SBF2: variants seen among roughly 807,000 people sequenced by gnomAD.
The protein encoded by SBF2 is SET binding factor 2.
A neutral mutation model predicts 225.2 loss-of-function variants in SBF2; 112 were observed. The ratio of observed to expected loss-of-function variants is 0.50; its 90% CI spans 0.43 to 0.58. SBF2 has a LOEUF of 0.58. Ranked by LOEUF, SBF2 falls within the 20% of genes least tolerant of loss-of-function variation. The probability of loss-of-function intolerance (pLI) is 0.00; values close to 1 mark genes in which losing one functional copy is unlikely to be tolerated. For synonymous variants in SBF2, 763 were observed against 773.3 expected, an observed-to-expected ratio of 0.99 and a Z score of 0.22; for missense variants, 1,996 against 2,206.2, an observed-to-expected ratio of 0.90 and a Z score of 1.91.
At chr11:9,797,315 C>T (rs1293495679) in intron 32 of SBF2, among the ~76,000 whole-genome samples, 1 of 152,170 alleles carries the variant, frequency 6.6e-6, no homozygotes. Flanking sequence ...TTTCTGTGAT[C>T]ATTAAAGGGT....
In SBF2 at chr11:10,042,922, C is replaced by A. The variant is rs773517265; in HGVS notation, c.201G>T (p.Val67=). The stretch of plus-strand genomic sequence containing the variant: ...CTGAGTCAATGTCTGTCAGGACAAC[C>A]ACAAAGAACGTTGGCTGCTTCCTCT... ...SRERKQPTFF[V]VVLTDIDSDR... Residue 67 remains valine, a synonymous_variant, in exon 3 of 40, where the codon GTG becomes GTT. Transcript: ENST00000256190. 3 of 1,613,756 alleles carry A rather than the reference C, an allele frequency of 1.9e-6. No individual in the cohort carries two copies. Among genetic ancestry groups the A allele is most frequent in the Non-Finnish European group, 2.5e-6 (3 of 1,179,870 alleles).
chr11:10,245,529 C>G (rs1353184167), intron 1 of SBF2, among the ~76,000 whole-genome samples: 1 of 151,894 alleles, frequency 6.6e-6, no homozygotes, highest in African/African-American at 2.4e-5. Context: ...GAAAAGTGAC[C>G]CTTTGTATAC....
intron 2 of SBF2, among the ~76,000 whole-genome samples, chr11:10,165,507 C>G (rs1955911737): frequency 6.6e-6 from 1 of 152,040 alleles, no homozygotes; most frequent in Non-Finnish European, 1.5e-5. Flanking sequence ...CAAAATTAGC[C>G]AAAAATGATG....
rs751615833 is a variant in SBF2, at chr11:9,790,579, A to C, written c.4675T>G (p.Leu1559Val). ...ACCTCTATTTCCAATGGTGAATATA[A>C]ATAATTAAAGAAAATGGGACTCCTC... is the stretch of plus-strand genomic sequence containing the variant. ...HKRSPIFFNY[L>V]YSPLEIEALK... is the part of the protein sequence containing the mutation. Residue 1559 changes from leucine (L) to valine (V), a missense_variant, in exon 34 of 40, where the codon TTA (leucine) becomes GTA (valine). Physicochemically the swap from Leu to Val is conservative, Grantham distance 32. Transcript: ENST00000256190. 3 of 1,585,314 alleles carry C rather than the reference A, an allele frequency of 1.9e-6. No individual in the cohort carries two copies. The highest frequency in any genetic ancestry group is 3.4e-5 in the Admixed American group (2 of 59,146).
At chr11:9,828,074 T>C in intron 28 of SBF2, 1 of 1,094,568 alleles carries the variant, frequency 9.1e-7, no homozygotes, top group Non-Finnish European at 1.2e-6. Context: ...GAAAAATGCT[T>C]TCTGCTTTTA....
chr11:10,138,692 A>G (rs1176626902), intron 2 of SBF2, among the ~76,000 whole-genome samples: 1 of 151,962 alleles, frequency 6.6e-6, no homozygotes, highest in Non-Finnish European at 1.5e-5. Flanking sequence ...TCTTTGAACC[A>G]CTATTTAGAA....
At chr11:10,194,503 T>C (rs1957292746) in intron 1 of SBF2, among the ~76,000 whole-genome samples, 1 of 152,022 alleles carries the variant, frequency 6.6e-6, no homozygotes, top group South Asian at 2.1e-4. Flanking sequence ...TAACAGGCAA[T>C]CTCTATTCTA....
At chr11:10,136,808 A>T (rs1485504686) in intron 2 of SBF2, among the ~76,000 whole-genome samples, 2 of 152,254 alleles carry the variant, frequency 1.3e-5, no homozygotes, top group African/African-American at 2.4e-5. Context: ...TTGCGAATAA[A>T]GAAACTGTTT....
intron 2 of SBF2, among the ~76,000 whole-genome samples, chr11:10,047,415 T>C (rs140830278): frequency 9.9e-5 from 15 of 152,184 alleles, no homozygotes; most frequent in South Asian, 2.1e-4. Context: ...GGCAAAAGAA[T>C]AGGCAAAGAG....
At chr11:10,089,714 CT>C (rs576198176) in intron 2 of SBF2, among the ~76,000 whole-genome samples, 224 of 152,256 alleles carry the variant, frequency 1.5e-3, no homozygotes, top group African/African-American at 5.2e-3. Flanking sequence ...AAAGTGTCAT[CT>C]TTTCAAAAAT....
chr11:10,093,021 CT>C (rs35286829), intron 2 of SBF2, among the ~76,000 whole-genome samples: 74 of 145,242 alleles, frequency 5.1e-4, no homozygotes, highest in East Asian at 6.0e-4. Context: ...TTCCTTCTTT[CT>C]TTTTTTTTTT....
chr11:9,820,280 A>G (rs1461968747), intron 28 of SBF2, among the ~76,000 whole-genome samples: 1 of 152,170 alleles, frequency 6.6e-6, no homozygotes, highest in African/African-American at 2.4e-5. Flanking sequence ...CTCCCACTTC[A>G]CTCCTTTGGA....
intron 26 of SBF2, among the ~76,000 whole-genome samples, chr11:9,836,842 T>C (rs570666193): frequency 6.6e-6 from 1 of 152,312 alleles, no homozygotes; most frequent in Admixed American, 6.5e-5. Flanking sequence ...ATAGTAGGAA[T>C]AATACCAAAA....
At chr11:9,808,658 C>T (rs933388068) in intron 31 of SBF2, 1 of 452,852 alleles carries the variant, frequency 2.2e-6, no homozygotes, top group East Asian at 4.5e-5. Flanking sequence ...GCTCCATCCG[C>T]AAGCCTGCAT....
chr11:10,182,594 C>T (rs1054987396), intron 2 of SBF2, among the ~76,000 whole-genome samples: 8 of 152,084 alleles, frequency 5.3e-5, no homozygotes, highest in Admixed American at 2.6e-4. Context: ...TACTCTGTCA[C>T]CCAGGCTGGA....
At chr11:9,842,535 G>T in intron 25 of SBF2, 90 bp downstream of exon 25, 1 of 1,346,674 alleles carries the variant, frequency 7.4e-7, no homozygotes, top group Non-Finnish European at 1.1e-6. Flanking sequence ...AGGTTTTTGT[G>T]AATCAAGATG....
At chr11:9,863,273 A>G (rs947386087) in intron 17 of SBF2, among the ~76,000 whole-genome samples, 2 of 152,226 alleles carry the variant, frequency 1.3e-5, no homozygotes, top group Non-Finnish European at 2.9e-5. Context: ...GTTAAGGGAA[A>G]GGTTAAGATA....
At chr11:9,946,643 T>C (rs1865580303) in intron 16 of SBF2, among the ~76,000 whole-genome samples, 1 of 151,998 alleles carries the variant, frequency 6.6e-6, no homozygotes, top group African/African-American at 2.4e-5. Flanking sequence ...AAAGATGGAG[T>C]TTCTCCATGT....
intron 29 of SBF2, among the ~76,000 whole-genome samples, chr11:9,814,228 A>G (rs1235650902): frequency 6.6e-6 from 1 of 152,228 alleles, no homozygotes; most frequent in Non-Finnish European, 1.5e-5. Context: ...AGAATGAATT[A>G]ATTTTCTCAA....
Sources: allele counts gnomAD v4.1 joint callset (sites outside exome capture counted in the v4.1 genomes callset), GRCh38; gene constraint gnomAD v4.1.1; transcripts MANE v1.5; gene names NCBI Gene and HGNC (gene_info 2026-07-23, HGNC 2026-07-21).